The following RABGAP1L variants were observed in gnomAD, a reference collection of about 807,000 sequenced individuals.
The protein encoded by RABGAP1L is rab GTPase-activating protein 1-like.
In RABGAP1L, 63 loss-of-function variants were observed where a neutral mutation model predicts 137.7. That is an observed-to-expected ratio of 0.46 (90% CI 0.37 to 0.56). RABGAP1L has a LOEUF of 0.56. Ranked by LOEUF, RABGAP1L falls within the 20% of genes least tolerant of loss-of-function variation. The pLI, the probability that RABGAP1L is intolerant of heterozygous loss-of-function variation, is 0.00. For missense variants in RABGAP1L, 1,095 were observed against 1,244.0 expected (o/e 0.88, Z 1.80); for synonymous variants, 431 against 433.7 (o/e 0.99, Z 0.08).
intron 4 of RABGAP1L, 83 bp downstream of exon 4, chr1:174,231,438 A>G (rs1670640935): frequency 2.3e-6 from 3 of 1,283,488 alleles, no homozygotes; most frequent in Non-Finnish European, 3.4e-6. Flanking sequence ...TCAGGTGTAG[A>G]ACTTACTGTG....
chr1:174,550,857 A>AATATAT (rs1216100934), intron 13 of RABGAP1L, among the ~76,000 whole-genome samples: 3,800 of 61,430 alleles, frequency 0.062, 148 homozygotes, highest in Middle Eastern at 0.083. Flanking sequence ...GTCTCTGCTA[A>AATATAT]ATATATATAT....
intron 13 of RABGAP1L, among the ~76,000 whole-genome samples, chr1:174,500,241 A>T (rs1322345185): frequency 6.6e-6 from 1 of 152,056 alleles, no homozygotes; most frequent in South Asian, 2.1e-4. Flanking sequence ...CACTACGCCC[A>T]GCTAATTTTT....
At chr1:174,449,062 C>T (rs1426755352) in intron 13 of RABGAP1L, 2 of 1,613,810 alleles carry the variant, frequency 1.2e-6, no homozygotes, top group Non-Finnish European at 1.7e-6. Context: ...GTGTAATATA[C>T]AGCCTCTCCA....
chr1:174,939,863 C>G (rs965125341), intron 19 of RABGAP1L, among the ~76,000 whole-genome samples: 3 of 152,196 alleles, frequency 2.0e-5, no homozygotes, highest in Admixed American at 2.0e-4. Context: ...TGGGCATAGT[C>G]TTTATCTGTT....
chr1:174,822,726 A>G (rs1361848519), intron 19 of RABGAP1L, among the ~76,000 whole-genome samples: 2 of 152,202 alleles, frequency 1.3e-5, no homozygotes, highest in East Asian at 1.9e-4. Flanking sequence ...AGCTCAGGCC[A>G]TAATGCTTGC....
chr1:174,481,894 AAAAAAAAAG>A lies in RABGAP1L; in HGVS notation c.1710+87758_1710+87766del, dbSNP rs1475640736. ...TATAATAAAAAATAAAAAAAAAAAG[AAAAAAAAAG>A]AAAAAAAAAAGAAACCACTGAATAT... On this transcript the variant is annotated intron_variant, in intron 13 of 25. Coordinates refer to ENST00000681986, the MANE Select transcript of RABGAP1L (RefSeq NM_001366446.1). Among the ~76,000 whole-genome samples, 413 of 149,056 alleles carry A rather than the reference AAAAAAAAAG, an allele frequency of 2.8e-3. 5 individuals carry two copies. Among genetic ancestry groups the A allele is most frequent in the African/African-American group, 9.5e-3 (389 of 40,810 alleles).
intron 14 of RABGAP1L, among the ~76,000 whole-genome samples, chr1:174,653,512 C>T (rs1291614554): frequency 1.3e-5 from 2 of 152,150 alleles, no homozygotes; most frequent in Non-Finnish European, 2.9e-5. Context: ...CTCATGGCTT[C>T]CCTTGGCTAG....
chr1:174,877,481 G>A (rs1251912430), intron 19 of RABGAP1L: 1 of 1,614,016 alleles, frequency 6.2e-7, no homozygotes, highest in Non-Finnish European at 8.5e-7. Flanking sequence ...GCTGTGGAAA[G>A]GCCAGCTGGC....
intron 17 of RABGAP1L, among the ~76,000 whole-genome samples, chr1:174,733,134 C>T (rs1393472935): frequency 6.6e-6 from 1 of 152,102 alleles, no homozygotes; most frequent in African/African-American, 2.4e-5. Flanking sequence ...GTCTCATAAC[C>T]ACCATGCTTT....
chr1:174,406,716 C>T (rs1201665713), intron 13 of RABGAP1L, among the ~76,000 whole-genome samples: 1 of 152,094 alleles, frequency 6.6e-6, no homozygotes, highest in African/African-American at 2.4e-5. Flanking sequence ...AGGAAGATCT[C>T]GAGTCCAGGA....
chr1:174,823,768 T>C (rs1295904590), intron 19 of RABGAP1L, among the ~76,000 whole-genome samples: 1 of 152,248 alleles, frequency 6.6e-6, no homozygotes, highest in Admixed American at 6.5e-5. Flanking sequence ...AGTACTCTGA[T>C]GTAATCATTA....
At chr1:174,547,912 A>G in intron 13 of RABGAP1L, 1 of 1,550,348 alleles carries the variant, frequency 6.5e-7, no homozygotes, top group African/African-American at 1.4e-5. Context: ...GAAGGTCTCC[A>G]TGACACCCTG....
chr1:174,877,437 G>A (rs1431325430), intron 19 of RABGAP1L: 29 of 1,607,984 alleles, frequency 1.8e-5, no homozygotes, highest in Non-Finnish European at 2.4e-5. Context: ...TTTTTCCTTG[G>A]ATAGTCTGGT....
chr1:174,168,290 A>T (rs1665070917), intron 1 of RABGAP1L, among the ~76,000 whole-genome samples: 1 of 140,222 alleles, frequency 7.1e-6, no homozygotes, highest in African/African-American at 2.7e-5. Flanking sequence ...AAAAAAAAAA[A>T]TTGAATAGAG....
intron 11 of RABGAP1L, among the ~76,000 whole-genome samples, chr1:174,334,804 G>T (rs1038304865): frequency 6.6e-6 from 1 of 151,960 alleles, no homozygotes. Flanking sequence ...AGCAATAAAG[G>T]GATAGTAATG....
chr1:174,364,243 CTTTTTTTTTTTTTTTTT>C (rs1054313083), intron 11 of RABGAP1L, among the ~76,000 whole-genome samples: 5 of 81,174 alleles, frequency 6.2e-5, no homozygotes, highest in Admixed American at 2.4e-4. Flanking sequence ...TTTGGATTTC[CTTTTTTTTTTTTTTTTT>C]TTTTTTTTTT....
At chr1:174,951,418 G>T (rs552893374) in intron 19 of RABGAP1L, among the ~76,000 whole-genome samples, 2 of 152,268 alleles carry the variant, frequency 1.3e-5, no homozygotes, top group South Asian at 4.1e-4. Context: ...ATTAAATATA[G>T]ATTTTTCTAA....
chr1:174,946,279 ACAGG>A (rs1416530895), intron 19 of RABGAP1L, among the ~76,000 whole-genome samples: 3 of 152,140 alleles, frequency 2.0e-5, no homozygotes, highest in Non-Finnish European at 4.4e-5. Flanking sequence ...TGGCTAGATG[ACAGG>A]CAATGTAGAT....
At chr1:174,778,892 C>T (rs907898418) in intron 18 of RABGAP1L, among the ~76,000 whole-genome samples, 2 of 152,086 alleles carry the variant, frequency 1.3e-5, no homozygotes, top group African/African-American at 4.8e-5. Flanking sequence ...CTGCACCCGG[C>T]CACCTTCTGC....
Sources: gnomAD v4.1 joint callset for allele counts (sites outside exome capture counted in the v4.1 genomes callset) on GRCh38, gnomAD v4.1.1 for gene constraint, MANE v1.5 for transcripts, NCBI Gene and HGNC (gene_info 2026-07-23, HGNC 2026-07-21) for gene names.